The following TMEM181 variants were observed in gnomAD, a reference collection of about 807,000 sequenced individuals.
TMEM181 encodes transmembrane protein 181.
TMEM181 carries 39 observed loss-of-function variants against 71.9 expected under a neutral mutation model. The observed-to-expected ratio is 0.54, with a 90% CI of 0.42 to 0.71. The LOEUF is 0.71. TMEM181 is among the 30% of genes least tolerant of loss of function. The pLI, the probability that TMEM181 is intolerant of heterozygous loss-of-function variation, is 0.00. For missense variants in TMEM181, 595 were observed against 583.0 expected (o/e 1.02, Z -0.21); for synonymous variants, 245 against 228.8 (o/e 1.07, Z -0.64).
In TMEM181 at chr6:158,635,212, T is replaced by C. The variant is rs1786892083; in HGVS notation, c.*3324T>C. 6.6e-6 allele frequency: 1 copy of C among 152,190 alleles called. No individual in the cohort carries two copies. The highest frequency in any genetic ancestry group is 1.5e-5 in the Non-Finnish European group (1 of 68,032). 9.4% of individuals were successfully genotyped at this position (152,190 alleles called of 1,614,324 possible). A position where few individuals can be genotyped will look rare whatever the true frequency, so the allele number is the denominator to read the frequency against. On this transcript the variant is annotated 3_prime_UTR_variant, in exon 17 of 17. Coordinates refer to ENST00000684151, the MANE Select transcript of TMEM181 (RefSeq NM_001376852.1). ...TGCCTTTTTACAAAATGACTGTAAATATTTGTAAAATAAAATAACACTAAA... is the reference window on the plus strand; with the variant it reads ...TGCCTTTTTACAAAATGACTGTAAACATTTGTAAAATAAAATAACACTAAA...
intron 10 of TMEM181, among the ~76,000 whole-genome samples, chr6:158,622,266 G>C (rs747734691): frequency 6.6e-6 from 1 of 152,142 alleles, no homozygotes; most frequent in Admixed American, 6.5e-5. Flanking sequence ...GTTGTGTGAC[G>C]TGCTCTCTCT....
At chr6:158,605,476 T>C in intron 7 of TMEM181, 129 bp downstream of exon 7, 2 of 835,326 alleles carry the variant, frequency 2.4e-6, no homozygotes, top group Non-Finnish European at 4.0e-6. Context: ...CAGTGGGCTG[T>C]GCTGATATTA....
intron 10 of TMEM181, among the ~76,000 whole-genome samples, chr6:158,619,730 G>A (rs1366011662): frequency 1.3e-5 from 2 of 152,064 alleles, no homozygotes; most frequent in South Asian, 2.1e-4. Flanking sequence ...TTAGCCAGGC[G>A]TGATGGTACA....
chr6:158,552,601 G>C (rs1158264970), intron 1 of TMEM181, among the ~76,000 whole-genome samples: 1 of 152,136 alleles, frequency 6.6e-6, no homozygotes, highest in African/African-American at 2.4e-5. Context: ...TTAGCATTGG[G>C]CCATAAGAGC....
At chr6:158,590,256 G>A (rs1784031611) in intron 6 of TMEM181, among the ~76,000 whole-genome samples, 2 of 152,034 alleles carry the variant, frequency 1.3e-5, no homozygotes, top group East Asian at 3.9e-4. Flanking sequence ...CGGTGAGCTG[G>A]GTTCTCACGC....
At chr6:158,549,498 G>A (rs534548936) in intron 1 of TMEM181, among the ~76,000 whole-genome samples, 9 of 152,314 alleles carry the variant, frequency 5.9e-5, no homozygotes, top group African/African-American at 2.2e-4. Flanking sequence ...AATGAAGAAA[G>A]GAGAGAATGC....
At chr6:158,609,037 G>A (rs1785132983) in intron 10 of TMEM181, among the ~76,000 whole-genome samples, 1 of 151,498 alleles carries the variant, frequency 6.6e-6, no homozygotes, top group Admixed American at 6.6e-5. Flanking sequence ...GGCACAGGTT[G>A]CAATGAGCCG....
chr6:158,537,224 C>G (rs1230230625), intron 1 of TMEM181, among the ~76,000 whole-genome samples: 1 of 152,084 alleles, frequency 6.6e-6, no homozygotes, highest in Non-Finnish European at 1.5e-5. Context: ...CCCCCCGCGC[C>G]CGCCTCGCCG....
chr6:158,614,398 G>A (rs1236791591), intron 10 of TMEM181, among the ~76,000 whole-genome samples: 1 of 152,156 alleles, frequency 6.6e-6, no homozygotes, highest in African/African-American at 2.4e-5. Flanking sequence ...CTCTTTAAGA[G>A]AGAAAGTTGA....
chr6:158,610,458 A>T (rs549616698), intron 10 of TMEM181: 1 of 300,106 alleles, frequency 3.3e-6, no homozygotes, highest in Non-Finnish European at 6.5e-6. Context: ...TTGAAAGACA[A>T]CTTGGAATAC....
intron 1 of TMEM181, among the ~76,000 whole-genome samples, chr6:158,537,161 T>C (rs1431750267): frequency 6.6e-6 from 1 of 151,806 alleles, no homozygotes; most frequent in Non-Finnish European, 1.5e-5. Context: ...GGCTCCCGCC[T>C]CCCCGGAAAG....
At chr6:158,586,404 G>A (rs574223661) in intron 5 of TMEM181, among the ~76,000 whole-genome samples, 5 of 152,294 alleles carry the variant, frequency 3.3e-5, no homozygotes, top group African/African-American at 9.6e-5. Context: ...GCCAAGTACC[G>A]TCCACTCATT....
chr6:158,601,556 C>G (rs1306313077), intron 6 of TMEM181, among the ~76,000 whole-genome samples: 5 of 151,980 alleles, frequency 3.3e-5, no homozygotes, highest in Non-Finnish European at 7.4e-5. Context: ...GTCAGGAGTT[C>G]AAGACCAGCC....
At chr6:158,553,191 A>G (rs1015126781) in intron 1 of TMEM181, among the ~76,000 whole-genome samples, 1 of 22,560 alleles carries the variant, frequency 4.4e-5, no homozygotes, top group African/African-American at 2.9e-4. Context: ...CCTGTCTCCG[A>G]AAAAAAAAAA....
At chr6:158,622,935 G>A (rs1253288808) in intron 10 of TMEM181, among the ~76,000 whole-genome samples, 1 of 152,188 alleles carries the variant, frequency 6.6e-6, no homozygotes, top group Non-Finnish European at 1.5e-5. Flanking sequence ...CTCTTTATGA[G>A]TGCTTTTGTC....
intron 10 of TMEM181, among the ~76,000 whole-genome samples, chr6:158,612,795 C>T (rs1161406271): frequency 6.6e-6 from 1 of 152,202 alleles, no homozygotes; most frequent in African/African-American, 2.4e-5. Flanking sequence ...AAGCAAAATG[C>T]TACGGTAATT....
At chr6:158,575,833 A>G (rs1783123798) in intron 2 of TMEM181, among the ~76,000 whole-genome samples, 1 of 152,190 alleles carries the variant, frequency 6.6e-6, no homozygotes, top group South Asian at 2.1e-4. Context: ...TTTTGAGTGG[A>G]GGATTGTTGG....
intron 10 of TMEM181, chr6:158,611,130 C>T (rs1562307227): frequency 1.9e-6 from 1 of 525,180 alleles, no homozygotes; most frequent in Non-Finnish European, 3.9e-6. Context: ...GTGGGTTTCT[C>T]CTGAGGGTCT....
At chr6:158,575,781 T>C (rs1315916476) in intron 2 of TMEM181, among the ~76,000 whole-genome samples, 1 of 152,218 alleles carries the variant, frequency 6.6e-6, no homozygotes, top group Non-Finnish European at 1.5e-5. Flanking sequence ...CCAGCATTCC[T>C]AAATGCATTC....
Sources: gnomAD v4.1 joint callset for allele counts (sites outside exome capture counted in the v4.1 genomes callset) on GRCh38, gnomAD v4.1.1 for gene constraint, MANE v1.5 for transcripts, NCBI Gene and HGNC (gene_info 2026-07-23, HGNC 2026-07-21) for gene names.